The following SYTL2 variants were observed in gnomAD, a reference collection of about 807,000 sequenced individuals.
SYTL2 encodes the protein synaptotagmin-like protein 2.
In SYTL2, 165 loss-of-function variants were observed where a neutral mutation model predicts 198.7. The ratio of observed to expected loss-of-function variants is 0.83; its 90% CI spans 0.73 to 0.94. The LOEUF (loss-of-function observed/expected upper bound fraction) is 0.94. SYTL2 is among the 40% of genes least tolerant of loss of function. SYTL2 has a pLI of 0.00. For synonymous variants in SYTL2, 966 were observed against 917.7 expected (o/e 1.05, Z -0.95); for missense variants, 2,835 against 2,582.8 (o/e 1.10, Z -2.12).
chr11:85,725,736 AG>A lies in SYTL2; in HGVS notation c.3621del (p.Ser1208LeufsTer2). 1 of 1,614,094 alleles carries A rather than the reference AG, an allele frequency of 6.2e-7. No individual in the cohort carries two copies. On this transcript the variant is annotated frameshift_variant, in exon 8 of 20. Transcript: ENST00000359152. LOFTEE classifies it high-confidence loss of function. ...KTVVHPKVKR[N>X]SLTASLDKLL... ...AGTTTGTCTAGACTAGCAGTCAAAG[AG>A]TTCCGTTTAACCTTTGGATGAACTA...
chr11:85,819,627 A>G, the SYTL2 span, among the ~76,000 whole-genome samples: 1 of 152,234 alleles, frequency 6.6e-6, no homozygotes, highest in Non-Finnish European at 1.5e-5. Context: ...ATTTGGCCAA[A>G]GCAGGTTTTG....
chr11:85,849,242 CCTGTTCACT>C, the SYTL2 span, among the ~76,000 whole-genome samples: 3 of 152,110 alleles, frequency 2.0e-5, no homozygotes, highest in Admixed American at 6.5e-5. Flanking sequence ...TTGGAGGCTG[CCTGTTCACT>C]CTGATGGTAG....
chr11:85,803,650 A>G (rs11234416), intron 1 of SYTL2, among the ~76,000 whole-genome samples: 9,219 of 152,308 alleles, frequency 0.061, 347 homozygotes, highest in East Asian at 0.1. Context: ...GGATTCAGTA[A>G]GCATGAATAT....
chr11:85,764,308 C>T (rs185062732), intron 1 of SYTL2, among the ~76,000 whole-genome samples: 150 of 152,266 alleles, frequency 9.9e-4, no homozygotes, highest in Non-Finnish European at 1.6e-3. Context: ...TGAAAAAATG[C>T]GCAGGCGGTG....
intron 8 of SYTL2, among the ~76,000 whole-genome samples, chr11:85,721,400 T>A (rs902494680): frequency 6.6e-6 from 1 of 152,042 alleles, no homozygotes; most frequent in Non-Finnish European, 1.5e-5. Context: ...TGGGTACACA[T>A]ATGAGTGCAT....
rs73502601 is a variant in SYTL2 at position 85,724,314 on chromosome 11, G to T, written c.5044C>A (p.Pro1682Thr). ...CCACTTTCACTGTCCCTGTCCTCTG[G>T]GGGGGTTACAGTTTTAATGGTCCCT... ...EIGTIKTVTP[P>T]EDRDSESGVA... The change falls in exon 8 of 20, where the codon CCA becomes ACA. Residue 1682 changes from proline to threonine, a missense_variant. Transcript: ENST00000359152. 6.3e-3 allele frequency: 9,937 copies of T among 1,578,256 alleles called. 560 individuals are homozygous for T. In the African/African-American group the frequency reaches 0.12, roughly 19 times the overall value.
rs2090143077 is a variant in SYTL2, at chr11:85,734,489, G to A, written c.840C>T (p.Ser280=). Residue 280 remains serine, a synonymous_variant, in exon 7 of 20, where the codon TCC becomes TCT. Transcript: ENST00000359152. ...PRGILKRNSS[S]SSTDSETLRY... ...GAAGGGTTTCTGAGTCTGTGCTACT[G>A]GAACTGGAGTTGCGCTTGAGGATCC... The A allele has an allele frequency of 6.2e-7, 1 of 1,614,088 alleles. No homozygotes were observed. The highest frequency in any genetic ancestry group is 8.5e-7 in the Non-Finnish European group (1 of 1,180,040).
At position 85,727,774 on chromosome 11, in the gene SYTL2, T is replaced by A; in HGVS notation, c.1584A>T (p.Arg528=). Reference sequence around the variant, plus strand: ...ACTTATTGTCATCTGAATAAGAACTTCGGTTAAACCAGTCTAGAACTTTAA... The same window carrying A: ...ACTTATTGTCATCTGAATAAGAACTACGGTTAAACCAGTCTAGAACTTTAA... ...SIFKVLDWFN[R]SSYSDDNKSF... Residue 528 remains arginine (R), a synonymous_variant, in exon 8 of 20, where the codon CGA becomes CGT. Coordinates refer to ENST00000359152, the MANE Select transcript of SYTL2 (RefSeq NM_206927.4). The A allele has an allele frequency of 6.3e-7, 1 of 1,576,690 alleles. No homozygotes were observed. Among genetic ancestry groups the A allele is most frequent in the Non-Finnish European group, 8.6e-7 (1 of 1,160,448 alleles).
At chr11:85,777,668 A>AG (rs2092475350) in intron 1 of SYTL2, among the ~76,000 whole-genome samples, 1 of 151,704 alleles carries the variant, frequency 6.6e-6, no homozygotes, top group Admixed American at 6.6e-5. Context: ...AAAAAGAAAA[A>AG]GAAAAAAAAC....
At chr11:85,733,787 G>C (rs907047264) in intron 7 of SYTL2, 152 bp downstream of exon 7, 7 of 614,964 alleles carry the variant, frequency 1.1e-5, no homozygotes, top group Non-Finnish European at 2.0e-5. Flanking sequence ...TTTTAGTAGA[G>C]ACGGGGTTTC....
intron 18 of SYTL2, 146 bp downstream of exon 18, chr11:85,697,833 A>C (rs2083628725): frequency 1.7e-6 from 1 of 590,262 alleles, no homozygotes; most frequent in African/African-American, 1.9e-5. Context: ...CATGATATAG[A>C]TTCCTCCAAT....
chr11:85,789,975 T>C lies in SYTL2; in HGVS notation c.-390+20979A>G, dbSNP rs531382614. On this transcript the variant is annotated intron_variant, in intron 1 of 19. Transcript: ENST00000359152. ...CAAAATGCTTGGGATCAGAACTGTT[T>C]GGGATTTTTGGATTTTTTTTCAGAT... is the stretch of plus-strand genomic sequence containing the variant. 3.7e-4 allele frequency among the ~76,000 whole-genome samples: 57 copies of C among 152,244 alleles called. 1 individual carries two copies. Among genetic ancestry groups the C allele is most frequent in the Non-Finnish European group, 5.9e-4 (40 of 68,014 alleles).
chr11:85,779,379 G>A (rs776720660), intron 1 of SYTL2, among the ~76,000 whole-genome samples: 4 of 152,152 alleles, frequency 2.6e-5, no homozygotes, highest in African/African-American at 7.2e-5. Flanking sequence ...CACTTACACG[G>A]GCTATCTCCC....
In SYTL2 at chr11:85,702,246, A is replaced by G. The variant is rs144574050; in HGVS notation, c.6190-1653T>C. Reference sequence around the variant, plus strand: ...GCTTTGTTGCCCACACTGGAGTGCAATGGCGTGATCTCAGTTCATTGCAAC... The same window carrying G: ...GCTTTGTTGCCCACACTGGAGTGCAGTGGCGTGATCTCAGTTCATTGCAAC... On this transcript the variant is annotated intron_variant, in intron 16 of 19. Transcript: ENST00000359152. Among the ~76,000 whole-genome samples the G allele has an allele frequency of 2.6e-3, 393 of 150,958 alleles. 2 individuals are homozygous for G. The highest frequency in any genetic ancestry group is 8.2e-3 in the African/African-American group (337 of 41,076).
At chr11:85,704,757 C>T in intron 16 of SYTL2, 101 bp downstream of exon 16, 1 of 895,260 alleles carries the variant, frequency 1.1e-6, no homozygotes, top group Non-Finnish European at 1.6e-6. Flanking sequence ...TTCTCCCAAA[C>T]TACAGATCTG....
rs560494011 is a variant in SYTL2, at chr11:85,763,545, G to A, written c.-389-5431C>T. ...AGGCTCTGCTGTGAGGAGGGGCCCA[G>A]ATAACACAGATAGCATCTTCTGCTT... On this transcript the variant is annotated intron_variant, in intron 1 of 19. Coordinates refer to ENST00000359152, the MANE Select transcript of SYTL2 (RefSeq NM_206927.4). 2.0e-5 allele frequency among the ~76,000 whole-genome samples: 3 copies of A among 152,238 alleles called. No homozygotes were observed. In the East Asian group the frequency reaches 5.8e-4, roughly 29 times the overall value.
chr11:85,803,643 T>C (rs2092921016), intron 1 of SYTL2, among the ~76,000 whole-genome samples: 1 of 152,194 alleles, frequency 6.6e-6, no homozygotes, highest in Non-Finnish European at 1.5e-5. Flanking sequence ...TAACACAGGA[T>C]TCAGTAAGCA....
At chr11:85,805,038 A>G (rs2092939830) in intron 1 of SYTL2, among the ~76,000 whole-genome samples, 6 of 152,196 alleles carry the variant, frequency 3.9e-5, no homozygotes, top group Admixed American at 3.9e-4. Flanking sequence ...TCCTCTAAAC[A>G]ATCTTGTCAA....
intron 1 of SYTL2, among the ~76,000 whole-genome samples, chr11:85,788,980 C>T (rs1053097991): frequency 6.6e-6 from 1 of 151,272 alleles, no homozygotes; most frequent in African/African-American, 2.4e-5. Context: ...TTCCCTATAA[C>T]AAGCAGAAGA....
Sources: allele counts gnomAD v4.1 joint callset (sites outside exome capture counted in the v4.1 genomes callset), GRCh38; gene constraint gnomAD v4.1.1; transcripts MANE v1.5; gene names NCBI Gene and HGNC (gene_info 2026-07-23, HGNC 2026-07-21).